Variants in MAML2 observed in about 807,000 individuals in gnomAD.
MAML2 encodes the protein mastermind like transcriptional coactivator 2.
In MAML2, 22 loss-of-function variants were observed where a neutral mutation model predicts 96.1. That is an observed-to-expected ratio of 0.23 (90% CI 0.16 to 0.33). MAML2 has a LOEUF of 0.33. Ranked by LOEUF, MAML2 falls within the 10% of genes least tolerant of loss-of-function variation. The pLI, the probability that MAML2 is intolerant of heterozygous loss-of-function variation, is 1.00. For synonymous variants in MAML2, 561 were observed against 521.3 expected (o/e 1.08, Z -1.04); for missense variants, 1,367 against 1,392.4 (o/e 0.98, Z 0.29).
intron 1 of MAML2, among the ~76,000 whole-genome samples, chr11:96,154,742 A>G (rs1352931628): frequency 1.3e-5 from 2 of 152,206 alleles, no homozygotes; most frequent in African/African-American, 2.4e-5. Flanking sequence ...AGAGGGACAC[A>G]TGAACATTAA....
chr11:96,113,539 T>C (rs1860170279), intron 1 of MAML2, among the ~76,000 whole-genome samples: 1 of 148,244 alleles, frequency 6.7e-6, no homozygotes, highest in South Asian at 2.1e-4. Context: ...TATTTTAGAC[T>C]GAGTCATCCA....
chr11:96,081,530 G>A (rs1360597361), intron 2 of MAML2, among the ~76,000 whole-genome samples: 1 of 151,940 alleles, frequency 6.6e-6, no homozygotes, highest in Non-Finnish European at 1.5e-5. Context: ...AAAAACTTCT[G>A]TATTCCCACA....
At chr11:96,061,060 T>C (rs1384699995) in intron 2 of MAML2, among the ~76,000 whole-genome samples, 1 of 152,124 alleles carries the variant, frequency 6.6e-6, no homozygotes, top group South Asian at 2.1e-4. Context: ...GACACATACA[T>C]GAAAGAAAGC....
At chr11:96,177,006 A>AAGGAAT (rs1384760463) in intron 1 of MAML2, among the ~76,000 whole-genome samples, 1 of 152,226 alleles carries the variant, frequency 6.6e-6, no homozygotes, top group Non-Finnish European at 1.5e-5. Context: ...AGGGTCTAAT[A>AAGGAAT]AGGAATAAAT....
At chr11:96,197,792 G>A (rs888374936) in intron 1 of MAML2, among the ~76,000 whole-genome samples, 2 of 152,190 alleles carry the variant, frequency 1.3e-5, no homozygotes, top group Non-Finnish European at 2.9e-5. Flanking sequence ...GGTACCAGAA[G>A]TCATAAGAAT....
intron 1 of MAML2, among the ~76,000 whole-genome samples, chr11:96,162,654 T>G (rs1242083089): frequency 6.9e-6 from 1 of 145,770 alleles, no homozygotes; most frequent in African/African-American, 2.6e-5. Context: ...GAGGTTTCGG[T>G]GAGCCGAGAT....
At chr11:96,105,844 A>G (rs1860013077) in intron 1 of MAML2, among the ~76,000 whole-genome samples, 1 of 151,082 alleles carries the variant, frequency 6.6e-6, no homozygotes, top group Admixed American at 6.6e-5. Flanking sequence ...TGAAATATGA[A>G]GAAGTTTACT....
chr11:96,326,466 T>C (rs1863783111), intron 1 of MAML2, among the ~76,000 whole-genome samples: 1 of 152,082 alleles, frequency 6.6e-6, no homozygotes, highest in Non-Finnish European at 1.5e-5. Context: ...CCCTTCCTTC[T>C]TTCTTTTATA....
intron 1 of MAML2, among the ~76,000 whole-genome samples, chr11:96,312,300 C>T (rs1863554889): frequency 6.9e-6 from 1 of 144,658 alleles, no homozygotes; most frequent in Non-Finnish European, 1.5e-5. Context: ...CAAAGGAAAA[C>T]TCCAAAGCCA....
rs1389479829 is a variant in MAML2, at chr11:95,991,705, C to T, written c.2158G>A (p.Gly720Ser). 4.3e-6 allele frequency: 7 copies of T among 1,613,398 alleles called. No individual in the cohort carries two copies. In the African/African-American group the frequency reaches 8.0e-5, roughly 18 times the overall value. Residue 720 changes from glycine (G) to serine (S), a missense_variant, in exon 3 of 5, where the codon GGC (glycine) becomes AGC (serine). Physicochemically the swap from Gly to Ser is moderately conservative, Grantham distance 56 (BLOSUM62 0). Transcript: ENST00000524717. ...CTTGGACTGGGGCCTGTGTTCTGGC[C>T]TACCACAGAGTGTTGATCCTAAAGA... ...QQRQDQHSVVGQNTGPSPSPN... is the reference protein window; with the variant it reads ...QQRQDQHSVVSQNTGPSPSPN...
chr11:96,128,613 T>G (rs1860492682), intron 1 of MAML2, among the ~76,000 whole-genome samples: 1 of 152,220 alleles, frequency 6.6e-6, no homozygotes, highest in Admixed American at 6.5e-5. Context: ...CAGGTTTACA[T>G]GGCATGGTGC....
At chr11:96,301,029 A>G (rs545067517) in intron 1 of MAML2, among the ~76,000 whole-genome samples, 10 of 152,324 alleles carry the variant, frequency 6.6e-5, no homozygotes, top group African/African-American at 2.4e-4. Flanking sequence ...CCCACAATAA[A>G]CACTCAATAA....
chr11:96,190,938 G>T (rs1057035196), intron 1 of MAML2, among the ~76,000 whole-genome samples: 7 of 152,290 alleles, frequency 4.6e-5, no homozygotes, highest in African/African-American at 1.7e-4. Flanking sequence ...AATGTAATCT[G>T]AGGTTGCATT....
intron 1 of MAML2, among the ~76,000 whole-genome samples, chr11:96,102,876 GACTC>G (rs1859957708): frequency 6.6e-6 from 1 of 152,200 alleles, no homozygotes; most frequent in South Asian, 2.1e-4. Flanking sequence ...CTTTAACCAT[GACTC>G]ACTTTTTGCC....
intron 1 of MAML2, among the ~76,000 whole-genome samples, chr11:96,335,513 G>T (rs149422124): frequency 6.6e-6 from 1 of 152,250 alleles, no homozygotes; most frequent in East Asian, 1.9e-4. Flanking sequence ...GTGTCAAAGG[G>T]CATGTCATGC....
At chr11:95,987,675 A>C (rs890665778) in intron 3 of MAML2, among the ~76,000 whole-genome samples, 1 of 152,208 alleles carries the variant, frequency 6.6e-6, no homozygotes. Context: ...GAATAAGTCT[A>C]CTATAAAGGA....
intron 4 of MAML2, among the ~76,000 whole-genome samples, chr11:95,981,742 G>C (rs1255669113): frequency 3.3e-5 from 5 of 152,128 alleles, no homozygotes; most frequent in African/African-American, 4.8e-5. Flanking sequence ...CAATAACTGA[G>C]ATGACATACA....
At chr11:96,036,219 G>A (rs930628658) in intron 2 of MAML2, among the ~76,000 whole-genome samples, 2 of 152,110 alleles carry the variant, frequency 1.3e-5, no homozygotes, top group African/African-American at 2.4e-5. Flanking sequence ...CCACCGGAAT[G>A]ACACATACAA....
intron 1 of MAML2, among the ~76,000 whole-genome samples, chr11:96,209,678 A>C (rs1861942226): frequency 6.6e-6 from 1 of 152,210 alleles, no homozygotes; most frequent in African/African-American, 2.4e-5. Flanking sequence ...TATTGGGCAG[A>C]TATTCTGAAG....
Sources: gnomAD v4.1 joint callset for allele counts (sites outside exome capture counted in the v4.1 genomes callset) on GRCh38, gnomAD v4.1.1 for gene constraint, MANE v1.5 for transcripts, NCBI Gene and HGNC (gene_info 2026-07-23, HGNC 2026-07-21) for gene names.